SLC25A21: variants seen among roughly 807,000 people sequenced by gnomAD.
SLC25A21 encodes solute carrier family 25 member 21.
A neutral mutation model predicts 43.8 loss-of-function variants in SLC25A21; 47 were observed. The ratio of observed to expected loss-of-function variants is 1.07; its 90% CI spans 0.85 to 1.37. SLC25A21 has a LOEUF of 1.37. Ranked by LOEUF, SLC25A21 falls within the 40% of genes most tolerant of loss-of-function variation. The pLI, the probability that SLC25A21 is intolerant of heterozygous loss-of-function variation, is 0.00. For missense variants in SLC25A21, 352 were observed against 350.2 expected, an observed-to-expected ratio of 1.00 and a Z score of -0.04; for synonymous variants, 131 against 121.3, an observed-to-expected ratio of 1.08 and a Z score of -0.52.
chr14:36,848,745 T>A (rs1297970933), intron 2 of SLC25A21, among the ~76,000 whole-genome samples: 1 of 152,236 alleles, frequency 6.6e-6, no homozygotes, highest in Non-Finnish European at 1.5e-5. Flanking sequence ...TGGCAATGAC[T>A]TATTTAATAA....
chr14:36,696,337 A>C lies in SLC25A21; in HGVS notation c.604-11412T>G, dbSNP rs953434637. 2.0e-5 allele frequency among the ~76,000 whole-genome samples: 3 copies of C among 152,266 alleles called. No homozygotes were observed. In the South Asian group the frequency reaches 6.2e-4, roughly 32 times the overall value. ...GTATTTTATTGAGGATTTTTGCATC[A>C]ATGTTCATCAGGGATACTGGTCTGA... On this transcript the variant is annotated intron_variant, in intron 7 of 9. Transcript: ENST00000331299.
At chr14:36,814,696 T>C (rs948146963) in intron 2 of SLC25A21, among the ~76,000 whole-genome samples, 12 of 152,132 alleles carry the variant, frequency 7.9e-5, no homozygotes, top group African/African-American at 2.4e-4. Context: ...TGTGGAGAAA[T>C]AGGAACGCTT....
intron 1 of SLC25A21, among the ~76,000 whole-genome samples, chr14:37,024,835 A>G (rs1961059515): frequency 6.6e-6 from 1 of 152,098 alleles, no homozygotes; most frequent in Non-Finnish European, 1.5e-5. Context: ...TTATTTATAT[A>G]TATCTAGCTT....
chr14:36,995,507 A>T (rs1190849317), intron 1 of SLC25A21, among the ~76,000 whole-genome samples: 1 of 152,192 alleles, frequency 6.6e-6, no homozygotes, highest in East Asian at 1.9e-4. Context: ...GTTGCTGATG[A>T]TAAATGAAAC....
intron 1 of SLC25A21, among the ~76,000 whole-genome samples, chr14:37,032,989 A>G (rs1961252069): frequency 6.6e-6 from 1 of 152,126 alleles, no homozygotes; most frequent in South Asian, 2.1e-4. Context: ...AAAAGAACAC[A>G]TATGAAATTT....
chr14:36,984,842 C>A (rs1199045830), intron 1 of SLC25A21, among the ~76,000 whole-genome samples: 4 of 151,956 alleles, frequency 2.6e-5, no homozygotes, highest in African/African-American at 7.3e-5. Context: ...GCCCAAAGGA[C>A]TATAAATCAT....
chr14:37,065,717 T>G (rs1208347332), intron 1 of SLC25A21, among the ~76,000 whole-genome samples: 1 of 152,170 alleles, frequency 6.6e-6, no homozygotes, highest in Non-Finnish European at 1.5e-5. Flanking sequence ...TTACATCACT[T>G]AAAGAAGGGT....
intron 1 of SLC25A21, among the ~76,000 whole-genome samples, chr14:36,964,742 T>G (rs921258337): frequency 6.6e-6 from 1 of 152,176 alleles, no homozygotes; most frequent in East Asian, 1.9e-4. Flanking sequence ...TCCCAGTCCG[T>G]GTACTCACCC....
chr14:37,085,670 A>G (rs543874961), intron 1 of SLC25A21, among the ~76,000 whole-genome samples: 1 of 152,346 alleles, frequency 6.6e-6, no homozygotes, highest in South Asian at 2.1e-4. Flanking sequence ...ATTATCTTCA[A>G]TGAGCATTAT....
chr14:36,949,725 T>C (rs909261239), intron 1 of SLC25A21, among the ~76,000 whole-genome samples: 4 of 152,324 alleles, frequency 2.6e-5, no homozygotes, highest in Non-Finnish European at 5.9e-5. Flanking sequence ...CATTTCTAGA[T>C]TCCTATTTTC....
At chr14:36,686,552 T>C (rs1022679640) in intron 7 of SLC25A21, among the ~76,000 whole-genome samples, 2 of 152,260 alleles carry the variant, frequency 1.3e-5, no homozygotes, top group South Asian at 2.1e-4. Flanking sequence ...CTAAATTGTA[T>C]CATTTTTCTG....
At chr14:36,738,355 T>A (rs2139235590) in intron 3 of SLC25A21, among the ~76,000 whole-genome samples, 1 of 152,358 alleles carries the variant, frequency 6.6e-6, no homozygotes, top group Non-Finnish European at 1.5e-5. Context: ...TATATTCACA[T>A]GCACTGTCCA....
chr14:36,684,925 C>A lies in SLC25A21; in HGVS notation c.604G>T (p.Asp202Tyr), dbSNP rs1264791423. ...TTTCTCCAAAACTCCAAGATTGGAT[C>A]CTAAAAGAAAAGAAGAATAATATAA... ...NVKNMIPVNKDPILEFWRKFG... is the reference protein window; with the variant it reads ...NVKNMIPVNKYPILEFWRKFG... The change falls in exon 8 of 10, where the codon GAT (aspartate) becomes TAT (tyrosine). Residue 202 changes from aspartate to tyrosine, a missense_variant and splice_region_variant. By Grantham distance (160) the Asp-to-Tyr change is radical (BLOSUM62 -3). Coordinates refer to ENST00000331299, the MANE Select transcript of SLC25A21 (RefSeq NM_030631.4). 3.7e-6 allele frequency: 6 copies of A among 1,606,412 alleles called. No individual in the cohort carries two copies. Among genetic ancestry groups the A allele is most frequent in the Non-Finnish European group, 5.1e-6 (6 of 1,177,684 alleles).
At chr14:37,053,952 G>A (rs1961764412) in intron 1 of SLC25A21, among the ~76,000 whole-genome samples, 1 of 152,202 alleles carries the variant, frequency 6.6e-6, no homozygotes, top group Non-Finnish European at 1.5e-5. Context: ...AACTATAAAC[G>A]TGGTAGACTA....
intron 1 of SLC25A21, among the ~76,000 whole-genome samples, chr14:36,956,237 T>A (rs1406668862): frequency 1.3e-5 from 2 of 152,242 alleles, no homozygotes; most frequent in East Asian, 3.8e-4. Flanking sequence ...CCCCGTCTGC[T>A]CTGGCTTTGG....
At chr14:36,984,287 C>A (rs894649979) in intron 1 of SLC25A21, among the ~76,000 whole-genome samples, 1 of 152,108 alleles carries the variant, frequency 6.6e-6, no homozygotes, top group African/African-American at 2.4e-5. Context: ...TGCAACGACA[C>A]TGACATTATG....
At position 36,919,320 on chromosome 14, in the gene SLC25A21, A is replaced by T. The variant is rs112648040; in HGVS notation, c.71-44316T>A. On this transcript the variant is annotated intron_variant, in intron 1 of 9. Coordinates refer to ENST00000331299, the MANE Select transcript of SLC25A21 (RefSeq NM_030631.4). ...TTTCTTTGCCATATTTGAACATGATATGTTGATGGAGTCATCTTTTTGGGT... is the reference window on the plus strand; with the variant it reads ...TTTCTTTGCCATATTTGAACATGATTTGTTGATGGAGTCATCTTTTTGGGT... Among the ~76,000 whole-genome samples, 374 of 152,134 alleles carry T rather than the reference A, an allele frequency of 2.5e-3. 5 individuals are homozygous for T. Among genetic ancestry groups the T allele is most frequent in the African/African-American group, 8.5e-3 (355 of 41,550 alleles).
intron 1 of SLC25A21, among the ~76,000 whole-genome samples, chr14:36,880,321 T>C (rs1890677643): frequency 6.6e-6 from 1 of 152,214 alleles, no homozygotes; most frequent in South Asian, 2.1e-4. Context: ...ACAGACATAG[T>C]GGAGTTCTGG....
intron 1 of SLC25A21, among the ~76,000 whole-genome samples, chr14:36,890,860 T>C (rs1891054734): frequency 6.6e-6 from 1 of 152,160 alleles, no homozygotes; most frequent in South Asian, 2.1e-4. Context: ...CCACAATATG[T>C]ACACTTTAAG....
Sources: gnomAD v4.1 joint callset for allele counts (sites outside exome capture counted in the v4.1 genomes callset) on GRCh38, gnomAD v4.1.1 for gene constraint, MANE v1.5 for transcripts, NCBI Gene and HGNC (gene_info 2026-07-23, HGNC 2026-07-21) for gene names.